The following PCDHGA4 variants were observed in gnomAD, a reference collection of about 807,000 sequenced individuals.
PCDHGA4 encodes the protein protocadherin gamma-A4.
In PCDHGA4, 38 loss-of-function variants were observed where a neutral mutation model predicts 54.6. That is an observed-to-expected ratio of 0.70 (90% CI 0.54 to 0.91). The LOEUF is 0.91. PCDHGA4 is among the 40% of genes least tolerant of loss of function. The probability of loss-of-function intolerance (pLI) is 0.00; values close to 1 mark genes in which losing one functional copy is unlikely to be tolerated. For missense variants in PCDHGA4, 1,298 were observed against 1,220.9 expected, an observed-to-expected ratio of 1.06 and a Z score of -0.94; for synonymous variants, 511 against 512.9, an observed-to-expected ratio of 1.00 and a Z score of 0.05.
chr5:141,501,130 G>C (rs528942194), intron 2 of PCDHGA4, among the ~76,000 whole-genome samples: 1 of 152,218 alleles, frequency 6.6e-6, no homozygotes, highest in South Asian at 2.1e-4. Flanking sequence ...GCCTCCCTAA[G>C]TGCTGGGATT....
At chr5:141,390,114 G>A in intron 1 of PCDHGA4, 1 of 1,614,048 alleles carries the variant, frequency 6.2e-7, no homozygotes, top group African/African-American at 1.3e-5. Flanking sequence ...CTACAGCGAG[G>A]GGACTTTGCC....
At chr5:141,409,378 C>G (rs780715519) in intron 1 of PCDHGA4, 3 of 1,613,996 alleles carry the variant, frequency 1.9e-6, no homozygotes, top group Non-Finnish European at 2.5e-6. Context: ...ACATTCCATT[C>G]AAGATTTATT....
In PCDHGA4 at chr5:141,388,498, A is replaced by G. The variant is rs1025242684; in HGVS notation, c.2514+30877A>G. The G allele has an allele frequency of 9.9e-6, 16 of 1,613,748 alleles. No homozygotes were observed. Among genetic ancestry groups the G allele is most frequent in the Admixed American group, 1.7e-5 (1 of 60,004 alleles). ...AAGACACCTTTGGACAGAGAAAAGCAGAAATCCTACCACTTGACTTTGACT... is the reference window on the plus strand; with the variant it reads ...AAGACACCTTTGGACAGAGAAAAGCGGAAATCCTACCACTTGACTTTGACT... On this transcript the variant is annotated intron_variant, in intron 1 of 3. Transcript: ENST00000571252.
At chr5:141,370,349 G>C (rs371382232) in intron 1 of PCDHGA4, 27 of 1,496,692 alleles carry the variant, frequency 1.8e-5, no homozygotes, top group Non-Finnish European at 2.3e-5. Context: ...ATTATTTAAA[G>C]ATCTCCTCTC....
chr5:141,444,594 T>C (rs2098442338), intron 1 of PCDHGA4, among the ~76,000 whole-genome samples: 1 of 152,244 alleles, frequency 6.6e-6, no homozygotes, highest in South Asian at 2.1e-4. Flanking sequence ...ACTTACCTTA[T>C]TTAAAATTGA....
intron 1 of PCDHGA4, chr5:141,375,055 G>T (rs1771087502): frequency 6.2e-7 from 1 of 1,614,042 alleles, no homozygotes; most frequent in Non-Finnish European, 8.5e-7. Flanking sequence ...CCCGGGATGG[G>T]CCAGGTCTTC....
chr5:141,424,061 CTGATT>C, intron 1 of PCDHGA4: 1 of 1,003,194 alleles, frequency 1.0e-6, no homozygotes, highest in Non-Finnish European at 1.2e-6. Flanking sequence ...TGTGCCTTCA[CTGATT>C]TGTAGTTATA....
chr5:141,384,431 C>T (rs750392601), intron 1 of PCDHGA4: 1 of 1,614,000 alleles, frequency 6.2e-7, no homozygotes, highest in South Asian at 1.1e-5. Context: ...AACTCTGACA[C>T]TGGAGTCCTG....
chr5:141,362,191 G>T, intron 1 of PCDHGA4: 1 of 1,614,010 alleles, frequency 6.2e-7, no homozygotes. Flanking sequence ...TGACCCCCAG[G>T]CAAAACTGCA....
At chr5:141,466,528 T>C (rs1171715691) in intron 1 of PCDHGA4, among the ~76,000 whole-genome samples, 1 of 152,204 alleles carries the variant, frequency 6.6e-6, no homozygotes, top group African/African-American at 2.4e-5. Context: ...TCCTCCCAAA[T>C]TGATGTAGAT....
At chr5:141,440,155 A>C (rs1250255277) in intron 1 of PCDHGA4, 1 of 152,238 alleles carries the variant, frequency 6.6e-6, no homozygotes, top group Non-Finnish European at 1.5e-5. Flanking sequence ...CCCCAATTAT[A>C]GCTTGGGCCA....
At chr5:141,428,448 T>C in intron 1 of PCDHGA4, 12 of 375,612 alleles carry the variant, frequency 3.2e-5, no homozygotes, top group South Asian at 2.4e-4. Flanking sequence ...CAGGGGTTTT[T>C]CCCAACTACA....
chr5:141,400,858 G>A (rs1332975731), intron 1 of PCDHGA4, among the ~76,000 whole-genome samples: 1 of 152,108 alleles, frequency 6.6e-6, no homozygotes, highest in Non-Finnish European at 1.5e-5. Context: ...TTTATTGTAT[G>A]TAGATAAACC....
intron 1 of PCDHGA4, chr5:141,408,708 A>G (rs773303576): frequency 6.2e-6 from 10 of 1,612,888 alleles, no homozygotes; most frequent in Non-Finnish European, 8.5e-6. Flanking sequence ...TCAATTAAAG[A>G]TTATAAGATA....
At chr5:141,458,662 C>T (rs948275548) in intron 1 of PCDHGA4, among the ~76,000 whole-genome samples, 3 of 152,064 alleles carry the variant, frequency 2.0e-5, no homozygotes, top group East Asian at 1.9e-4. Flanking sequence ...CTCCACCTCT[C>T]GGGTTCAAGC....
intron 1 of PCDHGA4, chr5:141,362,167 C>T: frequency 6.2e-7 from 1 of 1,614,044 alleles, no homozygotes; most frequent in Non-Finnish European, 8.5e-7. Flanking sequence ...CCTCAGCGAC[C>T]GCCGGGAGCC....
chr5:141,408,488 T>C lies in PCDHGA4; in HGVS notation c.2514+50867T>C, dbSNP rs199936765. ...GAACCGAATAGACCGTGAGCAAATA[T>C]GCAAAGAGAGAAGAAGATGTGAGTT... On this transcript the variant is annotated intron_variant, in intron 1 of 3. Transcript: ENST00000571252. The C allele has an allele frequency of 8.1e-6, 13 of 1,613,894 alleles. No individual in the cohort carries two copies. The highest frequency in any genetic ancestry group is 4.0e-5 in the African/African-American group (3 of 74,922).
Position 141,432,390 on chromosome 5 carries a change from G to A in PCDHGA4, c.2515-62417G>A. The A allele has an allele frequency of 6.2e-7, 1 of 1,614,256 alleles. No homozygotes were observed. The highest frequency in any genetic ancestry group is 8.5e-7 in the Non-Finnish European group (1 of 1,180,046). On this transcript the variant is annotated intron_variant, in intron 1 of 3. Transcript: ENST00000571252. This position sits in a 1 kb window ranked among gnomAD's most constrained non-coding sequence, Gnocchi z 6.0. ...GACAACGGGCACCCGCCCCTCAGCA[G>A]CAACGTGTCGTTGAGCCTGTTCGTG... is the stretch of plus-strand genomic sequence containing the variant.
At chr5:141,509,411 AGCC>A (rs2099876675) in intron 3 of PCDHGA4, among the ~76,000 whole-genome samples, 2 of 152,098 alleles carry the variant, frequency 1.3e-5, no homozygotes, top group Admixed American at 1.3e-4. Flanking sequence ...TCCAGCAGCG[AGCC>A]CCAATGAGTC....
Sources: allele counts gnomAD v4.1 joint callset (sites outside exome capture counted in the v4.1 genomes callset), GRCh38; gene constraint gnomAD v4.1.1; non-coding constraint Gnocchi (gnomAD v3.1); transcripts MANE v1.5; gene names NCBI Gene and HGNC (gene_info 2026-07-23, HGNC 2026-07-21).